DPP6: variants seen among roughly 807,000 people sequenced by gnomAD.
The protein encoded by DPP6 is dipeptidyl peptidase like 6.
A neutral mutation model predicts 122.6 loss-of-function variants in DPP6; 69 were observed. The ratio of observed to expected loss-of-function variants is 0.56; its 90% confidence interval spans 0.46 to 0.69. The LOEUF is 0.69. Among genes scored for constraint, DPP6 ranks in the 30% least tolerant of loss-of-function variants. The pLI is 0.00. For synonymous variants in DPP6, 418 were observed against 433.1 expected (o/e 0.97, Z 0.43); for missense variants, 928 against 1,116.9 (o/e 0.83, Z 2.41).
intron 4 of DPP6, among the ~76,000 whole-genome samples, chr7:154,546,888 C>A (rs1282635380): frequency 6.6e-6 from 1 of 152,180 alleles, no homozygotes; most frequent in Non-Finnish European, 1.5e-5. Flanking sequence ...GATACTTGAC[C>A]CCTGCATCAG....
At chr7:154,523,652 ATGGC>A (rs1379078808) in intron 3 of DPP6, among the ~76,000 whole-genome samples, 3 of 152,226 alleles carry the variant, frequency 2.0e-5, no homozygotes, top group African/African-American at 7.2e-5. Context: ...TAATGGTAGA[ATGGC>A]TCCTCTTTTT....
chr7:154,457,361 T>C (rs1586330150), intron 2 of DPP6, among the ~76,000 whole-genome samples: 1 of 15,590 alleles, frequency 6.4e-5, no homozygotes, highest in Non-Finnish European at 1.2e-4. Context: ...GGAACACTTT[T>C]ACACTGTTGG....
At chr7:154,174,472 T>C (rs1797694644) in intron 1 of DPP6, among the ~76,000 whole-genome samples, 1 of 152,220 alleles carries the variant, frequency 6.6e-6, no homozygotes, top group African/African-American at 2.4e-5. Flanking sequence ...GAAATACCTC[T>C]GTTAGAAATA....
chr7:154,111,110 C>CCTA (rs1806540485), intron 1 of DPP6, among the ~76,000 whole-genome samples: 1 of 152,162 alleles, frequency 6.6e-6, no homozygotes, highest in South Asian at 2.1e-4. Context: ...GAAAGAAGGG[C>CCTA]TTTGACAAGT....
At chr7:153,868,184 T>G in the DPP6 span, among the ~76,000 whole-genome samples, 2 of 152,066 alleles carry the variant, frequency 1.3e-5, no homozygotes, top group East Asian at 1.9e-4. Context: ...TTAGGGAGGA[T>G]TCCCTCTTTT....
intron 1 of DPP6, among the ~76,000 whole-genome samples, chr7:154,092,027 A>C (rs1416710486): frequency 6.6e-6 from 1 of 152,018 alleles, no homozygotes; most frequent in Non-Finnish European, 1.5e-5. Context: ...ACATGACATC[A>C]GGGGTGGGAG....
intron 8 of DPP6, among the ~76,000 whole-genome samples, chr7:154,740,167 T>C (rs948086268): frequency 3.3e-5 from 5 of 152,202 alleles, no homozygotes; most frequent in African/African-American, 1.2e-4. Context: ...GTGACTATAT[T>C]TTTCTATCTT....
intron 1 of DPP6, among the ~76,000 whole-genome samples, chr7:154,389,638 G>A (rs544894607): frequency 7.4e-4 from 112 of 152,198 alleles, no homozygotes; most frequent in African/African-American, 2.6e-3. Flanking sequence ...ACAAAGGCAG[G>A]GTTTTTTATT....
At chr7:154,774,661 C>G (rs1210427531) in intron 10 of DPP6, among the ~76,000 whole-genome samples, 1 of 152,216 alleles carries the variant, frequency 6.6e-6, no homozygotes, top group African/African-American at 2.4e-5. Context: ...TCTCATACTG[C>G]TTCTCTATCA....
At position 154,880,883 on chromosome 7, in the gene DPP6, C is replaced by T. The variant is rs370986904; in HGVS notation, c.2079-5C>T. Reference sequence around the variant, plus strand: ...GAACCCTCTTTCCCCTCCTCGACCTCACAGGACGATGCTGAAGGAGCAGTA... The same window carrying T: ...GAACCCTCTTTCCCCTCCTCGACCTTACAGGACGATGCTGAAGGAGCAGTA... On this transcript the variant is annotated splice_polypyrimidine_tract_variant and splice_region_variant and intron_variant, in intron 20 of 25. Transcript: ENST00000377770. 4 of 1,613,890 alleles carry T rather than the reference C, an allele frequency of 2.5e-6. No homozygotes were observed. In the African/African-American group the frequency reaches 5.3e-5, roughly 22 times the overall value.
intron 3 of DPP6, among the ~76,000 whole-genome samples, chr7:154,498,788 C>G (rs991084451): frequency 2.0e-5 from 3 of 152,186 alleles, no homozygotes; most frequent in Non-Finnish European, 2.9e-5. Context: ...AGGATACATG[C>G]CTGCCCTCTA....
intron 18 of DPP6, among the ~76,000 whole-genome samples, chr7:154,872,257 T>C (rs1804460792): frequency 1.3e-5 from 2 of 152,214 alleles, no homozygotes; most frequent in Admixed American, 6.5e-5. Flanking sequence ...CCCGATCAGA[T>C]GCTGAGAGAT....
intron 1 of DPP6, among the ~76,000 whole-genome samples, chr7:154,371,863 T>C (rs1419346146): frequency 5.9e-5 from 9 of 152,206 alleles, no homozygotes; most frequent in African/African-American, 2.2e-4. Context: ...ACTCTCCTGA[T>C]TGCTTTCATC....
chr7:154,176,980 C>T (rs185696616), intron 1 of DPP6, among the ~76,000 whole-genome samples: 1 of 152,176 alleles, frequency 6.6e-6, no homozygotes, highest in East Asian at 1.9e-4. Context: ...ATTACAGGCA[C>T]ACACCACCAC....
intron 1 of DPP6, among the ~76,000 whole-genome samples, chr7:154,164,274 C>A (rs146672449): frequency 1.6e-3 from 235 of 149,636 alleles, no homozygotes; most frequent in African/African-American, 5.5e-3. Context: ...CTCTCCCCCG[C>A]TCCTTCCCTC....
intron 1 of DPP6, among the ~76,000 whole-genome samples, chr7:154,277,361 C>CAA (rs201778809): frequency 6.6e-6 from 1 of 151,532 alleles, no homozygotes; most frequent in African/African-American, 2.4e-5. Flanking sequence ...ACAACAACAA[C>CAA]AAAAAAAACA....
the DPP6 span, among the ~76,000 whole-genome samples, chr7:153,840,416 C>T: frequency 2.0e-5 from 3 of 151,878 alleles, no homozygotes; most frequent in African/African-American, 7.3e-5. Flanking sequence ...ACATATTACC[C>T]TGTAATTTGA....
intron 3 of DPP6, among the ~76,000 whole-genome samples, chr7:154,484,458 T>C (rs1022663664): frequency 1.3e-5 from 2 of 152,200 alleles, no homozygotes; most frequent in African/African-American, 2.4e-5. Flanking sequence ...GCCTCCTGCA[T>C]CCTTCAAGGG....
chr7:154,151,193 C>T (rs1585496174), intron 1 of DPP6, among the ~76,000 whole-genome samples: 2 of 152,166 alleles, frequency 1.3e-5, no homozygotes, highest in East Asian at 1.9e-4. Context: ...TCCCACCTGC[C>T]GGCATTAGAC....
Sources: gnomAD v4.1 joint callset for allele counts (sites outside exome capture counted in the v4.1 genomes callset) on GRCh38, gnomAD v4.1.1 for gene constraint, MANE v1.5 for transcripts, NCBI Gene and HGNC (gene_info 2026-07-23, HGNC 2026-07-21) for gene names.